The following PIEZO2 variants were observed in gnomAD, a reference collection of about 807,000 sequenced individuals.
The protein encoded by PIEZO2 is piezo type mechanosensitive ion channel component 2.
A neutral mutation model predicts 337.3 loss-of-function variants in PIEZO2; 172 were observed. The ratio of observed to expected loss-of-function variants is 0.51; its 90% CI spans 0.45 to 0.58. The LOEUF (loss-of-function observed/expected upper bound fraction) is 0.58. Among genes scored for constraint, PIEZO2 ranks in the 20% least tolerant of loss-of-function variants. The probability of loss-of-function intolerance (pLI) is 0.00; values close to 1 mark genes in which losing one functional copy is unlikely to be tolerated. For missense variants in PIEZO2, 3,028 were observed against 3,391.3 expected, an observed-to-expected ratio of 0.89 and a Z score of 2.66; for synonymous variants, 1,251 against 1,228.5, an observed-to-expected ratio of 1.02 and a Z score of -0.38.
rs955774231 is a variant in PIEZO2 at position 10,795,090 on chromosome 18, A to C, written c.1528-88T>G. ...GGTAAGGTAAAAACTATCTAAAAAG[A>C]AAAGGTCATAATATTCAAACCAGGG... is the stretch of plus-strand genomic sequence containing the variant. On this transcript the variant is annotated intron_variant, in intron 12 of 55. Transcript: ENST00000674853. The surrounding 1 kb of genome is among the most constrained non-coding windows in gnomAD (Gnocchi z 4.4). The C allele has an allele frequency of 1.7e-5, 19 of 1,116,218 alleles. No homozygotes were observed. The highest frequency in any genetic ancestry group is 2.4e-5 in the Non-Finnish European group (19 of 779,326). The allele number at this position is 1,116,218 out of a possible 1,614,324, so 69.1% of individuals were successfully genotyped here. A position where few individuals can be genotyped will look rare whatever the true frequency, so the allele number is the denominator to read the frequency against.
At chr18:10,739,752 T>C (rs1288422471) in intron 33 of PIEZO2, 1 of 152,210 alleles carries the variant, frequency 6.6e-6, no homozygotes, top group Non-Finnish European at 1.5e-5. Context: ...TAAATAAAAC[T>C]CTTTCTAATC....
intron 29 of PIEZO2, among the ~76,000 whole-genome samples, chr18:10,749,136 T>C (rs1300856347): frequency 6.6e-6 from 1 of 151,872 alleles, no homozygotes; most frequent in Non-Finnish European, 1.5e-5. Flanking sequence ...TAGCCTGAAA[T>C]AGAAATCACA....
rs902064116 is a variant in PIEZO2, at chr18:11,105,800, G to T, written c.65-39578C>A. ...ATAAAAGATAAGCAAAATTACGTTG[G>T]ACAACAACCAGCAGCACATTTACAT... On this transcript the variant is annotated intron_variant, in intron 1 of 55. Transcript: ENST00000674853. This position sits in a 1 kb window ranked among gnomAD's most constrained non-coding sequence, Gnocchi z 4.3. 2.6e-5 allele frequency among the ~76,000 whole-genome samples: 4 copies of T among 152,050 alleles called. No homozygotes were observed. Among genetic ancestry groups the T allele is most frequent in the Non-Finnish European group, 5.9e-5 (4 of 68,020 alleles).
intron 36 of PIEZO2, 68 bp from the exon 37 acceptor site, chr18:10,718,327 T>C: frequency 6.9e-6 from 9 of 1,308,404 alleles, no homozygotes; most frequent in Non-Finnish European, 8.5e-6. Context: ...AATGTTACTC[T>C]TCTAGATTAA....
chr18:10,831,591 G>C (rs1213840187), intron 7 of PIEZO2, among the ~76,000 whole-genome samples: 1 of 152,036 alleles, frequency 6.6e-6, no homozygotes, highest in African/African-American at 2.4e-5. Context: ...AGCACAACAG[G>C]GTGACTACAG....
At chr18:11,093,254 C>T (rs1169436396) in intron 1 of PIEZO2, among the ~76,000 whole-genome samples, 1 of 152,178 alleles carries the variant, frequency 6.6e-6, no homozygotes, top group Admixed American at 6.5e-5. Context: ...CTATACACAC[C>T]CCTCAAGCCA....
chr18:10,822,072 A>C (rs1387937606), intron 7 of PIEZO2, among the ~76,000 whole-genome samples: 5 of 152,270 alleles, frequency 3.3e-5, no homozygotes, highest in Admixed American at 3.3e-4. Context: ...TTGTAAATGT[A>C]ACAGAAAATA....
chr18:10,760,130 A>G (rs2038064654), intron 24 of PIEZO2, among the ~76,000 whole-genome samples: 1 of 152,202 alleles, frequency 6.6e-6, no homozygotes, highest in Non-Finnish European at 1.5e-5. Flanking sequence ...AGCTGTTATC[A>G]TAACCACTTC....
At chr18:10,709,923 C>A (rs771641174) in intron 39 of PIEZO2, among the ~76,000 whole-genome samples, 1 of 152,154 alleles carries the variant, frequency 6.6e-6, no homozygotes, top group African/African-American at 2.4e-5. Context: ...ATGGCCTGGA[C>A]AAAATGAGGA....
At chr18:10,908,585 G>A (rs1215216602) in intron 4 of PIEZO2, 2 of 152,190 alleles carry the variant, frequency 1.3e-5, no homozygotes, top group African/African-American at 2.4e-5. Flanking sequence ...GAACCTCAAA[G>A]ATCACTATCT....
At position 10,749,100 on chromosome 18, in the gene PIEZO2, C is replaced by T. The variant is rs147461728; in HGVS notation, c.4265-470G>A. ...ATGCCTTATCTTAAGTGAAAAACAACGTCCCAGTGAGGCTTCGGCAAAATA... is the reference window on the plus strand; with the variant it reads ...ATGCCTTATCTTAAGTGAAAAACAATGTCCCAGTGAGGCTTCGGCAAAATA... On this transcript the variant is annotated intron_variant, in intron 29 of 55. Transcript: ENST00000674853. Among the ~76,000 whole-genome samples, 32 of 152,146 alleles carry T rather than the reference C, an allele frequency of 2.1e-4. No homozygotes were observed. In the East Asian group the frequency reaches 4.8e-3, roughly 23 times the overall value.
intron 2 of PIEZO2, among the ~76,000 whole-genome samples, chr18:11,045,138 G>A (rs974205997): frequency 2.0e-5 from 3 of 151,390 alleles, no homozygotes; most frequent in Admixed American, 6.6e-5. Flanking sequence ...TACTAAAAAT[G>A]CAAAACAAAT....
At chr18:10,996,018 T>A (rs1190891827) in intron 2 of PIEZO2, among the ~76,000 whole-genome samples, 1 of 152,164 alleles carries the variant, frequency 6.6e-6, no homozygotes, top group Non-Finnish European at 1.5e-5. Flanking sequence ...AAATGCATTG[T>A]ATTCATATTT....
At position 10,681,703 on chromosome 18, in the gene PIEZO2, C is replaced by G. The variant is rs768049811; in HGVS notation, c.7737G>C (p.Gln2579His). 1.2e-6 allele frequency: 2 copies of G among 1,611,524 alleles called. No homozygotes were observed. The highest frequency in any genetic ancestry group is 1.7e-6 in the Non-Finnish European group (2 of 1,177,838). Residue 2579 changes from glutamine (Q) to histidine (H), a missense_variant, in exon 51 of 56, where the codon CAG becomes CAC. Physicochemically the swap from Gln to His is conservative, Grantham distance 24 (BLOSUM62 0). Coordinates refer to ENST00000674853, the MANE Select transcript of PIEZO2 (RefSeq NM_001378183.1). ...AQQSQLKVMDQQSFNKFIQAF... is the reference protein window; with the variant it reads ...AQQSQLKVMDHQSFNKFIQAF... ...CTTGTATAAATTTGTTAAAGCTCTGCTGGTCCATAACTTTCAACTGGCTTT... is the reference window on the plus strand; with the variant it reads ...CTTGTATAAATTTGTTAAAGCTCTGGTGGTCCATAACTTTCAACTGGCTTT...
chr18:11,018,220 G>GTGTGT (rs1555694659), intron 2 of PIEZO2, among the ~76,000 whole-genome samples: 1 of 144,034 alleles, frequency 6.9e-6, no homozygotes, highest in Non-Finnish European at 1.5e-5. Context: ...TGGTGGTGGT[G>GTGTGT]GTGTGTGTGT....
intron 2 of PIEZO2, among the ~76,000 whole-genome samples, chr18:11,012,713 T>C (rs537364399): frequency 5.3e-5 from 8 of 152,344 alleles, no homozygotes; most frequent in Admixed American, 3.3e-4. Flanking sequence ...GACTTTACAT[T>C]GGCACTGATT....
Position 10,746,284 on chromosome 18 carries a change from C to G in PIEZO2, c.4425-2053G>C, listed in dbSNP as rs890133328. Among the ~76,000 whole-genome samples, 2 of 152,216 alleles carry G rather than the reference C, an allele frequency of 1.3e-5. No individual in the cohort carries two copies. The highest frequency in any genetic ancestry group is 6.5e-5 in the Admixed American group (1 of 15,288). On this transcript the variant is annotated intron_variant, in intron 30 of 55. Transcript: ENST00000674853. This position sits in a 1 kb window ranked among gnomAD's most constrained non-coding sequence, Gnocchi z 4.2. Reference sequence around the variant, plus strand: ...TCTAAAGACATATCTGGGCTGATAGCCCCCTGAGGACCTGGCCTCTCCTGG... The same window carrying G: ...TCTAAAGACATATCTGGGCTGATAGGCCCCTGAGGACCTGGCCTCTCCTGG...
In PIEZO2 at chr18:10,748,045, G is replaced by A. The variant is rs1394502524; in HGVS notation, c.4424+426C>T. ...AAACTGGAAGAAGAATGGAGCCTAGGGGAAAAAACAGGTAGTAATGCAAAT... is the reference window on the plus strand; with the variant it reads ...AAACTGGAAGAAGAATGGAGCCTAGAGGAAAAAACAGGTAGTAATGCAAAT... On this transcript the variant is annotated intron_variant, in intron 30 of 55. Coordinates refer to ENST00000674853, the MANE Select transcript of PIEZO2 (RefSeq NM_001378183.1). The surrounding 1 kb of genome is among the most constrained non-coding windows in gnomAD (Gnocchi z 5.1). 2.6e-5 allele frequency among the ~76,000 whole-genome samples: 4 copies of A among 152,030 alleles called. No homozygotes were observed. The highest frequency in any genetic ancestry group is 5.9e-5 in the Non-Finnish European group (4 of 68,002).
chr18:11,107,937 T>C (rs1029739276), intron 1 of PIEZO2, among the ~76,000 whole-genome samples: 1 of 152,218 alleles, frequency 6.6e-6, no homozygotes, highest in Non-Finnish European at 1.5e-5. Context: ...ATATTCTTTA[T>C]ATTCACTGGT....
Sources: allele counts gnomAD v4.1 joint callset (sites outside exome capture counted in the v4.1 genomes callset), GRCh38; gene constraint gnomAD v4.1.1; non-coding constraint Gnocchi (gnomAD v3.1); transcripts MANE v1.5; gene names NCBI Gene and HGNC (gene_info 2026-07-23, HGNC 2026-07-21).